ELAVL4: variants seen among roughly 807,000 people sequenced by gnomAD.
ELAVL4 encodes the protein ELAV-like protein 4.
ELAVL4 carries 1 observed loss-of-function variant against 35.6 expected under a neutral mutation model. The ratio of observed to expected loss-of-function variants is 0.03; its 90% CI spans 0.01 to 0.13. ELAVL4 has a LOEUF of 0.13. Among genes scored for constraint, ELAVL4 ranks in the 10% least tolerant of loss-of-function variants. The probability of loss-of-function intolerance (pLI) is 1.00; values close to 1 mark genes in which losing one functional copy is unlikely to be tolerated. For synonymous variants in ELAVL4, 156 were observed against 171.0 expected (o/e 0.91, Z 0.69); for missense variants, 267 against 464.9 (o/e 0.57, Z 3.91).
In ELAVL4 at chr1:50,155,662, TGA is replaced by T. The variant is rs552748774; in HGVS notation, c.250+10467_250+10468del. ...GTATTACTGAAGTATTACTGCTTTC[TGA>T]GTCACTTCAGTCTTTCCTCTCCCTT... On this transcript the variant is annotated intron_variant, in intron 2 of 6. Coordinates refer to ENST00000371824, the MANE Select transcript of ELAVL4 (RefSeq NM_001144774.3). Among the ~76,000 whole-genome samples, 352 of 152,322 alleles carry T rather than the reference TGA, an allele frequency of 2.3e-3. 1 individual carries two copies. The highest frequency in any genetic ancestry group is 7.3e-3 in the African/African-American group (304 of 41,586).
chr1:50,124,835 T>TTACATC (rs1669627001), intron 1 of ELAVL4, among the ~76,000 whole-genome samples: 2 of 152,034 alleles, frequency 1.3e-5, no homozygotes, highest in African/African-American at 4.8e-5. Flanking sequence ...TAAACTAGGG[T>TTACATC]TGTTGTGAGG....
intron 1 of ELAVL4, among the ~76,000 whole-genome samples, chr1:50,064,134 T>C (rs1046055082): frequency 6.6e-6 from 1 of 152,124 alleles, no homozygotes; most frequent in African/African-American, 2.4e-5. Context: ...CATTACAATG[T>C]GTCTGGTGTG....
At chr1:50,111,060 A>G (rs1336994363) in intron 1 of ELAVL4, among the ~76,000 whole-genome samples, 2 of 152,088 alleles carry the variant, frequency 1.3e-5, no homozygotes, top group Non-Finnish European at 2.9e-5. Flanking sequence ...GGTGTTAATT[A>G]CATTTCTAAC....
intron 2 of ELAVL4, among the ~76,000 whole-genome samples, chr1:50,173,197 C>G (rs751594742): frequency 6.6e-6 from 1 of 152,058 alleles, no homozygotes; most frequent in Admixed American, 6.6e-5. Context: ...TGTTTTGTTT[C>G]TAAGGGGAAA....
At chr1:50,176,569 T>C (rs752906933) in intron 2 of ELAVL4, among the ~76,000 whole-genome samples, 1 of 152,192 alleles carries the variant, frequency 6.6e-6, no homozygotes, top group Non-Finnish European at 1.5e-5. Flanking sequence ...ATCTAGACAA[T>C]GTACTTGGTA....
chr1:50,102,224 T>TG (rs1411696106), upstream of ELAVL4, among the ~76,000 whole-genome samples: 1 of 151,948 alleles, frequency 6.6e-6, no homozygotes, highest in Admixed American at 6.6e-5. Flanking sequence ...AGGCGGAGCT[T>TG]GCGGTGAGCC....
intron 6 of ELAVL4, among the ~76,000 whole-genome samples, chr1:50,200,543 G>A (rs996259503): frequency 6.6e-6 from 1 of 152,076 alleles, no homozygotes; most frequent in African/African-American, 2.4e-5. Flanking sequence ...AGGTTGGGGT[G>A]CGCTATGAGC....
chr1:50,079,982 TA>T (rs1664936853), intron 1 of ELAVL4, among the ~76,000 whole-genome samples: 1 of 152,166 alleles, frequency 6.6e-6, no homozygotes, highest in Non-Finnish European at 1.5e-5. Flanking sequence ...CATCCTATTT[TA>T]AAACCTCTAG....
At chr1:50,154,208 T>C (rs1476417916) in intron 2 of ELAVL4, among the ~76,000 whole-genome samples, 17 of 152,198 alleles carry the variant, frequency 1.1e-4, no homozygotes, top group Admixed American at 1.1e-3. Flanking sequence ...GGAGCTGATA[T>C]TTGAACCCAA....
At chr1:50,090,785 C>T (rs1032695309) in intron 1 of ELAVL4, among the ~76,000 whole-genome samples, 1 of 152,178 alleles carries the variant, frequency 6.6e-6, no homozygotes, top group African/African-American at 2.4e-5. Context: ...GCATCACTTC[C>T]ACCCACATTC....
At chr1:50,159,039 C>G (rs957113673) in intron 2 of ELAVL4, among the ~76,000 whole-genome samples, 1 of 74,896 alleles carries the variant, frequency 1.3e-5, no homozygotes, top group African/African-American at 4.6e-5. Context: ...GACTCCTTCT[C>G]AAAAAAAAAA....
chr1:50,176,931 AC>A (rs1446363862), intron 2 of ELAVL4, among the ~76,000 whole-genome samples, 157 bp from the exon 3 acceptor site: 1 of 152,112 alleles, frequency 6.6e-6, no homozygotes, highest in African/African-American at 2.4e-5. Context: ...CTGGGGGTAA[AC>A]CCTGGTGTAA....
intron 1 of ELAVL4, chr1:50,115,066 C>G (rs1572228656): frequency 1.3e-5 from 2 of 152,148 alleles, no homozygotes; most frequent in African/African-American, 2.4e-5. Flanking sequence ...GTCTCTCTCT[C>G]TCTCTCTGTC....
At chr1:50,137,391 G>A (rs577735727) in intron 1 of ELAVL4, among the ~76,000 whole-genome samples, 2 of 151,978 alleles carry the variant, frequency 1.3e-5, no homozygotes, top group Admixed American at 6.6e-5. Flanking sequence ...GGAAGGAGGT[G>A]TAAGAAAGTC....
chr1:50,174,653 T>A (rs1217024576), intron 2 of ELAVL4: 1 of 152,192 alleles, frequency 6.6e-6, no homozygotes, highest in Non-Finnish European at 1.5e-5. Context: ...ACATGATACA[T>A]CTTGCTGGGC....
intron 1 of ELAVL4, among the ~76,000 whole-genome samples, chr1:50,093,990 A>T (rs1218625079): frequency 6.6e-6 from 1 of 152,126 alleles, no homozygotes; most frequent in Admixed American, 6.5e-5. Flanking sequence ...TTGTGAAACT[A>T]AGTGAGTAAA....
At chr1:50,116,948 A>C (rs540412811) in intron 1 of ELAVL4, among the ~76,000 whole-genome samples, 1 of 152,268 alleles carries the variant, frequency 6.6e-6, no homozygotes, top group African/African-American at 2.4e-5. Flanking sequence ...TTACTGTAAC[A>C]CCAAAACAAA....
intron 2 of ELAVL4, among the ~76,000 whole-genome samples, chr1:50,150,059 G>A (rs533994604): frequency 6.6e-6 from 1 of 151,622 alleles, no homozygotes; most frequent in South Asian, 2.1e-4. Flanking sequence ...AAGGAATAGA[G>A]CTAAAATTTT....
intron 1 of ELAVL4, among the ~76,000 whole-genome samples, chr1:50,088,363 T>C (rs1251105824): frequency 6.6e-6 from 1 of 152,220 alleles, no homozygotes; most frequent in African/African-American, 2.4e-5. Context: ...CCTTCCATGC[T>C]GACTTATTCA....
Sources: gnomAD v4.1 joint callset for allele counts (sites outside exome capture counted in the v4.1 genomes callset) on GRCh38, gnomAD v4.1.1 for gene constraint, MANE v1.5 for transcripts, NCBI Gene and HGNC (gene_info 2026-07-23, HGNC 2026-07-21) for gene names.